The following MCF2L variants were observed in gnomAD, a reference collection of about 807,000 sequenced individuals.
MCF2L encodes the protein MCF.2 cell line derived transforming sequence like.
In MCF2L, 97 loss-of-function variants were observed where a neutral mutation model predicts 153.4. That is an observed-to-expected ratio of 0.63 (90% confidence interval 0.54 to 0.75). The LOEUF (loss-of-function observed/expected upper bound fraction) is 0.75. Among genes scored for constraint, MCF2L ranks in the 30% least tolerant of loss-of-function variants. The pLI is 0.00. For synonymous variants in MCF2L, 659 were observed against 632.2 expected, an observed-to-expected ratio of 1.04 and a Z score of -0.64; for missense variants, 1,347 against 1,495.2, an observed-to-expected ratio of 0.90 and a Z score of 1.64.
chr13:112,898,716 C>A (rs74115710), intron 1 of MCF2L, among the ~76,000 whole-genome samples: 1 of 152,166 alleles, frequency 6.6e-6, no homozygotes, highest in Non-Finnish European at 1.5e-5. Flanking sequence ...GGCCTCCCTG[C>A]CCCCCAAGTC....
At chr13:112,930,723 G>A (rs186442779) in intron 2 of MCF2L, among the ~76,000 whole-genome samples, 32 of 152,282 alleles carry the variant, frequency 2.1e-4, no homozygotes, top group Middle Eastern at 3.4e-3. Context: ...GATCACTTGA[G>A]GTCAGGAGTT....
At chr13:113,008,876 AG>A (rs34618343) in intron 1 of MCF2L, 1 of 152,266 alleles carries the variant, frequency 6.6e-6, no homozygotes, top group Non-Finnish European at 1.5e-5. Flanking sequence ...GACACGCTCC[AG>A]GGGATTCTTA....
At chr13:112,985,509 C>G (rs895651428) in intron 1 of MCF2L, 2 of 470,054 alleles carry the variant, frequency 4.3e-6, no homozygotes, top group Non-Finnish European at 8.8e-6. Flanking sequence ...GTGAGTCCCT[C>G]GCAGGTGGTG....
In MCF2L at chr13:113,064,204, G is replaced by A. The variant is rs1449080486; in HGVS notation, c.490-100G>A. 43 of 866,146 alleles carry A rather than the reference G, an allele frequency of 5.0e-5. No homozygotes were observed. Among genetic ancestry groups the A allele is most frequent in the Non-Finnish European group, 8.0e-5 (41 of 515,378 alleles). The allele number at this position is 866,146 out of a possible 1,614,324, so 53.7% of individuals were successfully genotyped here. A position where few individuals can be genotyped will look rare whatever the true frequency, so the allele number is the denominator to read the frequency against. ...AGCCGCCCGCAGCATCCAGGCAGACGTGGTCCTCTCTGTGCTGCTGGGTGT... is the reference window on the plus strand; with the variant it reads ...AGCCGCCCGCAGCATCCAGGCAGACATGGTCCTCTCTGTGCTGCTGGGTGT... On this transcript the variant is annotated intron_variant, in intron 5 of 29. Coordinates refer to ENST00000535094, the MANE Select transcript of MCF2L (RefSeq NM_001112732.3). The surrounding 1 kb of genome is among the most constrained non-coding windows in gnomAD (Gnocchi z 6.0).
chr13:113,028,541 C>T lies in MCF2L; in HGVS notation c.278+3783C>T, dbSNP rs376455977. The stretch of plus-strand genomic sequence containing the variant: ...CTGGTCTGGCTGAAGGTGGCCGGAG[C>T]GCAGGCCCAGTCCCCGCTGTGGACA... On this transcript the variant is annotated intron_variant, in intron 3 of 29. Transcript: ENST00000535094. This position sits in a 1 kb window ranked among gnomAD's most constrained non-coding sequence, Gnocchi z 5.4. Among the ~76,000 whole-genome samples, 466 of 152,334 alleles carry T rather than the reference C, an allele frequency of 3.1e-3. 6 individuals are homozygous for T. Among genetic ancestry groups the T allele is most frequent in the African/African-American group, 0.01 (434 of 41,582 alleles).
Position 113,096,443 on chromosome 13 carries a change from G to A in MCF2L, c.3148G>A (p.Asp1050Asn), listed in dbSNP as rs1426970953. The A allele has an allele frequency of 1.9e-6, 3 of 1,594,500 alleles. No individual in the cohort carries two copies. Among genetic ancestry groups the A allele is most frequent in the Non-Finnish European group, 2.6e-6 (3 of 1,171,800 alleles). Residue 1050 changes from aspartate (D) to asparagine (N), a missense_variant, in exon 28 of 30, where the codon GAC becomes AAC. This residue lies in a region of MCF2L where 383 missense variants were observed against 335.4 expected (regional missense o/e 1.14). Coordinates refer to ENST00000535094, the MANE Select transcript of MCF2L (RefSeq NM_001112732.3). ...GPDALRVRSG[D>N]VVELVQEGDE... The stretch of plus-strand genomic sequence containing the variant: ...CGATGCGCTGCGCGTGAGGAGCGGG[G>A]ACGTGGTGGAGCTGGTGCAGGAGGG...
intron 3 of MCF2L, chr13:113,026,890 C>T (rs1416714577): frequency 1.3e-5 from 10 of 756,212 alleles, no homozygotes; most frequent in Non-Finnish European, 2.5e-5. Context: ...AGAGCAGCAT[C>T]AGGCCGGTGA....
At chr13:113,002,149 G>A (rs1015936933) in intron 1 of MCF2L, among the ~76,000 whole-genome samples, 2 of 152,226 alleles carry the variant, frequency 1.3e-5, no homozygotes, top group African/African-American at 4.8e-5. Flanking sequence ...TGGGGTGGGT[G>A]CCTCCGAGAC....
chr13:112,970,459 G>A (rs2082001526), intron 1 of MCF2L, among the ~76,000 whole-genome samples: 1 of 152,190 alleles, frequency 6.6e-6, no homozygotes, highest in South Asian at 2.1e-4. Context: ...TTTATTGTAT[G>A]TGGGTCGAAA....
Position 112,932,104 on chromosome 13 carries a change from C to T in MCF2L, c.169+29733C>T, listed in dbSNP as rs1254087300. Among the ~76,000 whole-genome samples, 2 of 151,976 alleles carry T rather than the reference C, an allele frequency of 1.3e-5. No homozygotes were observed. The highest frequency in any genetic ancestry group is 2.4e-5 in the African/African-American group (1 of 41,324). On this transcript the variant is annotated intron_variant, in intron 2 of 29. Transcript: ENST00000375608. The surrounding 1 kb of genome is among the most constrained non-coding windows in gnomAD (Gnocchi z 4.6). ...TGGGATGTGCGCAGCTATGTGGTTC[C>T]GAAGAGTTCAAGACGAAAAGAGGGA... is the stretch of plus-strand genomic sequence containing the variant.
chr13:112,924,585 A>G (rs1352135919), intron 2 of MCF2L, among the ~76,000 whole-genome samples: 1 of 152,238 alleles, frequency 6.6e-6, no homozygotes, highest in Non-Finnish European at 1.5e-5. Context: ...CTCCTGAGAC[A>G]CAGAAGACTT....
intron 2 of MCF2L, among the ~76,000 whole-genome samples, chr13:112,915,467 T>C (rs1274351190): frequency 6.9e-6 from 1 of 145,220 alleles, no homozygotes; most frequent in Admixed American, 6.9e-5. Flanking sequence ...ACCATTAAAA[T>C]AGATTGAATT....
At position 112,906,538 on chromosome 13, in the gene MCF2L, T is replaced by C. The variant is rs199591411; in HGVS notation, c.169+4167T>C. 1.7e-4 allele frequency among the ~76,000 whole-genome samples: 26 copies of C among 152,310 alleles called. 1 individual carries two copies. In the East Asian group the frequency reaches 4.8e-3, roughly 28 times the overall value. On this transcript the variant is annotated intron_variant, in intron 2 of 29. Coordinates refer to the MCF2L transcript ENST00000375608. ...CCATGGGGTGCGTGTGGAGCTTGTC[T>C]GGCTCTCCTCTCCCTGGCAGTGCTT...
At chr13:112,898,472 G>A (rs1311761910) in intron 1 of MCF2L, among the ~76,000 whole-genome samples, 2 of 152,156 alleles carry the variant, frequency 1.3e-5, no homozygotes, top group African/African-American at 4.8e-5. Context: ...ACTGAGTCCA[G>A]GTCCAGCCTT....
rs2032768176 is a variant in MCF2L at position 113,070,283 on chromosome 13, G to C, written c.996+110G>C. ...TGAGCCGTGCCACCCAGTTGACTTT[G>C]GCTTAATGCAGAAAAGTCTCCGCTT... On this transcript the variant is annotated intron_variant, in intron 9 of 29. Coordinates refer to ENST00000535094, the MANE Select transcript of MCF2L (RefSeq NM_001112732.3). This position sits in a 1 kb window ranked among gnomAD's most constrained non-coding sequence, Gnocchi z 5.6. 1 of 661,964 alleles carries C rather than the reference G, an allele frequency of 1.5e-6. No individual in the cohort carries two copies. The highest frequency in any genetic ancestry group is 2.4e-6 in the Non-Finnish European group (1 of 423,866). The allele number at this position is 661,964 out of a possible 1,614,324, so 41.0% of individuals were successfully genotyped here. A position where few individuals can be genotyped will look rare whatever the true frequency, so the allele number is the denominator to read the frequency against.
chr13:113,085,406 C>G (rs1594989626), intron 20 of MCF2L, among the ~76,000 whole-genome samples: 1 of 152,218 alleles, frequency 6.6e-6, no homozygotes, highest in East Asian at 1.9e-4. Context: ...GGTTGGCACA[C>G]AGCCCAGCCC....
chr13:112,929,009 G>A (rs548228539), intron 2 of MCF2L, among the ~76,000 whole-genome samples: 15 of 152,336 alleles, frequency 9.8e-5, no homozygotes, highest in East Asian at 7.7e-4. Flanking sequence ...GAGCCAGGAC[G>A]TGCCTCTCAC....
chr13:113,000,584 C>T (rs2083322768), intron 1 of MCF2L, among the ~76,000 whole-genome samples: 2 of 152,174 alleles, frequency 1.3e-5, no homozygotes, highest in Non-Finnish European at 2.9e-5. Context: ...GCTGATGTTC[C>T]CAGAGGCAGG....
intron 1 of MCF2L, among the ~76,000 whole-genome samples, chr13:112,992,080 G>T (rs564699123): frequency 1.3e-5 from 2 of 152,158 alleles, no homozygotes; most frequent in African/African-American, 4.8e-5. Context: ...CACCTGACCC[G>T]ACAGTCACAG....
Sources: allele counts gnomAD v4.1 joint callset (sites outside exome capture counted in the v4.1 genomes callset), GRCh38; gene constraint gnomAD v4.1.1; regional missense constraint gnomAD v4.1.1; non-coding constraint Gnocchi (gnomAD v3.1); transcripts MANE v1.5; gene names NCBI Gene and HGNC (gene_info 2026-07-23, HGNC 2026-07-21).